Variants in PALM3 observed in about 807,000 individuals in gnomAD.
PALM3 encodes the protein paralemmin-3.
A neutral mutation model predicts 27.9 loss-of-function variants in PALM3; 20 were observed. The ratio of observed to expected loss-of-function variants is 0.72; its 90% CI spans 0.50 to 1.04. The LOEUF (loss-of-function observed/expected upper bound fraction) is 1.04. Among genes scored for constraint, PALM3 ranks in the 50% least tolerant of loss-of-function variants. PALM3 has a pLI of 0.00. For missense variants in PALM3, 814 were observed against 869.4 expected, an observed-to-expected ratio of 0.94 and a Z score of 0.80; for synonymous variants, 328 against 352.7, an observed-to-expected ratio of 0.93 and a Z score of 0.79.
rs976503794 is a variant in PALM3 at position 14,053,688 on chromosome 19, G to A, written c.1984C>T (p.Gln662Ter). Residue 662 changes from glutamine to a stop codon, truncating the protein, a stop_gained, in exon 7 of 7, where the codon CAG becomes TAG. Coordinates refer to ENST00000669674, the MANE Select transcript of PALM3 (RefSeq NM_001145028.2). LOFTEE classifies it high-confidence loss of function. ...HPVPTYAPAR[Q>*]PEPSAPTEGE... The stretch of plus-strand genomic sequence containing the variant: ...TCGGTGGGGGCAGATGGCTCAGGCT[G>A]CCGGGCAGGCGCGTAGGTGGGCACA... 3 of 1,487,594 alleles carry A rather than the reference G, an allele frequency of 2.0e-6. No homozygotes were observed. Among genetic ancestry groups the A allele is most frequent in the South Asian group, 2.8e-5 (2 of 72,286 alleles). The allele number at this position is 1,487,594 out of a possible 1,614,324, so 92.1% of individuals were successfully genotyped here. A position where few individuals can be genotyped will look rare whatever the true frequency, so the allele number is the denominator to read the frequency against.
chr19:14,062,011 G>A lies in PALM3; in HGVS notation c.-31C>T, dbSNP rs1599311721. 4.1e-6 allele frequency: 4 copies of A among 985,018 alleles called. No homozygotes were observed. Among genetic ancestry groups the A allele is most frequent in the Non-Finnish European group, 3.6e-6 (3 of 829,752 alleles). The allele number at this position is 985,018 out of a possible 1,614,324, so 61.0% of individuals were successfully genotyped here. On this transcript the variant is annotated 5_prime_UTR_variant, in exon 1 of 7. Transcript: ENST00000669674. ...CCCAGAAGTTCACTTTCTGGTCTCC[G>A]AGTTCTGGACCCACCACCCGCTTGC...
intron 2 of PALM3, among the ~76,000 whole-genome samples, chr19:14,058,242 G>T (rs922155179): frequency 6.8e-6 from 1 of 146,850 alleles, no homozygotes; most frequent in African/African-American, 2.5e-5. Context: ...GGTGCAGAGA[G>T]ATGGGGTACA....
rs998454546 is a variant in PALM3 at position 14,054,251 on chromosome 19, T to C, written c.1421A>G (p.Lys474Arg). 1.3e-6 allele frequency: 2 copies of C among 1,552,052 alleles called. No homozygotes were observed. The highest frequency in any genetic ancestry group is 1.7e-6 in the Non-Finnish European group (2 of 1,147,068). The change falls in exon 7 of 7, where the codon AAA (lysine) becomes AGA (arginine). Residue 474 changes from lysine to arginine, a missense_variant. By Grantham distance (26) the Lys-to-Arg change is conservative. Transcript: ENST00000669674. The stretch of plus-strand genomic sequence containing the variant: ...CTCTGCCCTCAAATGTCCCTCAACT[T>C]TTCTCTCTATGCCCAGTGGTTCCTC... ...GGEEPLGIER[K>R]VEGHLRAEKE...
chr19:14,054,010 A>T lies in PALM3; in HGVS notation c.1662T>A (p.Asn554Lys). The change falls in exon 7 of 7, where the codon AAT (asparagine) becomes AAA (lysine). Residue 554 changes from asparagine (N) to lysine (K), a missense_variant. Physicochemically the swap from Asn to Lys is moderately conservative, Grantham distance 94. Transcript: ENST00000669674. Reference sequence around the variant, plus strand: ...TTCCTTCCCTAGACCCTTGTTCTAGATTCAGATCTCCCTCCGTCCCTTGGG... The same window carrying T: ...TTCCTTCCCTAGACCCTTGTTCTAGTTTCAGATCTCCCTCCGTCCCTTGGG... ...EKTQGTEGDLNLEQGSREGSE... is the reference protein window; with the variant it reads ...EKTQGTEGDLKLEQGSREGSE... The T allele has an allele frequency of 6.4e-7, 1 of 1,551,620 alleles. No individual in the cohort carries two copies. The highest frequency in any genetic ancestry group is 8.7e-7 in the Non-Finnish European group (1 of 1,146,944).
Position 14,054,370 on chromosome 19 carries a change from C to A in PALM3, c.1302G>T (p.Met434Ile). 1 of 1,552,202 alleles carries A rather than the reference C, an allele frequency of 6.4e-7. No individual in the cohort carries two copies. Among genetic ancestry groups the A allele is most frequent in the Non-Finnish European group, 8.7e-7 (1 of 1,147,114 alleles). The stretch of plus-strand genomic sequence containing the variant: ...CTCCTTTCCTCTCTACCACTGGTGA[C>A]ATCTCCGCTTCATCCCTCCCTGTCC... The part of the protein sequence containing the change: ...KPGTGRDEAE[M>I]SPVVERKGGE... The change falls in exon 7 of 7, where the codon ATG becomes ATT. Residue 434 changes from methionine to isoleucine, a missense_variant. Coordinates refer to ENST00000669674, the MANE Select transcript of PALM3 (RefSeq NM_001145028.2).
chr19:14,055,061 C>T lies in PALM3; in HGVS notation c.611G>A (p.Ser204Asn). ...CCCCTGCTCTGGAGTGGGGATGGGG[C>T]TGGGGCATGGGCCATTGGCTTCTGA... ...DSSEANGPCP[S>N]PIPTPEQGLS... Residue 204 changes from serine to asparagine, a missense_variant, in exon 7 of 7, where the codon AGC (serine) becomes AAC (asparagine). Physicochemically the swap from Ser to Asn is conservative, Grantham distance 46 (BLOSUM62 1). Transcript: ENST00000669674. 1.3e-6 allele frequency: 2 copies of T among 1,551,494 alleles called. No individual in the cohort carries two copies. Among genetic ancestry groups the T allele is most frequent in the Non-Finnish European group, 1.7e-6 (2 of 1,146,914 alleles).
At chr19:14,059,204 G>T in intron 1 of PALM3, 41 bp from the exon 2 acceptor site, 1 of 1,435,682 alleles carries the variant, frequency 7.0e-7, no homozygotes, top group Non-Finnish European at 9.1e-7. Flanking sequence ...CTCCCATCTT[G>T]AACGCCCCCC....
rs150891381 is a variant in PALM3, at chr19:14,056,059, C to A, written c.399+370G>T. 9.1e-3 allele frequency among the ~76,000 whole-genome samples: 1,381 copies of A among 152,328 alleles called. 11 individuals carry two copies. The highest frequency in any genetic ancestry group is 0.041 in the South Asian group (197 of 4,828). ...CAGTAGCTGGGACTACAGGGACACACCACCATACCGAGCTAATTTTTGTGT... is the reference window on the plus strand; with the variant it reads ...CAGTAGCTGGGACTACAGGGACACAACACCATACCGAGCTAATTTTTGTGT... On this transcript the variant is annotated intron_variant, in intron 5 of 6. Transcript: ENST00000669674.
intron 1 of PALM3, among the ~76,000 whole-genome samples, chr19:14,060,435 A>T (rs1315376611): frequency 6.6e-6 from 1 of 152,048 alleles, no homozygotes; most frequent in Non-Finnish European, 1.5e-5. Context: ...CTGAGTTGAC[A>T]TTCCAGCTAA....
rs1819971830 is a variant in PALM3 at position 14,054,716 on chromosome 19, G to A, written c.956C>T (p.Pro319Leu). ...TGCCTCTAATCTCTCCTGGAGCCTA[G>A]GCGAGCTAGTCTGCACGACCTCAGG... is the stretch of plus-strand genomic sequence containing the variant. ...RVPEVVQTSS[P>L]RLQERLEAAA... Residue 319 changes from proline to leucine, a missense_variant, in exon 7 of 7, where the codon CCT (proline) becomes CTT (leucine). Pro to Leu is a moderately conservative substitution (Grantham distance 98). Coordinates refer to ENST00000669674, the MANE Select transcript of PALM3 (RefSeq NM_001145028.2). The A allele has an allele frequency of 1.9e-6, 3 of 1,551,520 alleles. No individual in the cohort carries two copies. The highest frequency in any genetic ancestry group is 1.7e-6 in the Non-Finnish European group (2 of 1,147,020).
intron 1 of PALM3, among the ~76,000 whole-genome samples, chr19:14,061,184 C>A (rs1012817934): frequency 7.2e-5 from 11 of 152,202 alleles, no homozygotes; most frequent in African/African-American, 2.7e-4. Flanking sequence ...ATCTCCCTGC[C>A]TCTTCCTTGC....
At chr19:14,056,626 G>C (rs1274991806) in intron 4 of PALM3, 36 bp downstream of exon 4, 1 of 1,551,746 alleles carries the variant, frequency 6.4e-7, no homozygotes, top group Middle Eastern at 1.7e-4. Context: ...CCCAGCTGGG[G>C]CAGGGTTCGG....
In PALM3 at chr19:14,061,442, G is replaced by T. The variant is rs185099619; in HGVS notation, c.41+498C>A. ...TGCTTATCTCTAACTAACTCTGGAA[G>T]AACAACGTAGGCGGCCTGGGCTTCT... On this transcript the variant is annotated intron_variant, in intron 1 of 6. Coordinates refer to ENST00000669674, the MANE Select transcript of PALM3 (RefSeq NM_001145028.2). Among the ~76,000 whole-genome samples, 110 of 152,320 alleles carry T rather than the reference G, an allele frequency of 7.2e-4. 1 individual carries two copies. The highest frequency in any genetic ancestry group is 2.5e-3 in the African/African-American group (106 of 41,570).
chr19:14,055,527 GCT>G (rs1976289812), intron 5 of PALM3, 102 bp from the exon 6 acceptor site: 1 of 1,128,124 alleles, frequency 8.9e-7, no homozygotes, highest in South Asian at 1.4e-5. Flanking sequence ...ACCCTCAGTG[GCT>G]CTCTATTACC....
At chr19:14,055,910 C>T (rs1202446547) in intron 5 of PALM3, among the ~76,000 whole-genome samples, 2 of 151,622 alleles carry the variant, frequency 1.3e-5, no homozygotes, top group African/African-American at 4.8e-5. Context: ...GCCAGCATGC[C>T]CAGCTAATTT....
chr19:14,059,209 C>A (rs1006939883), intron 1 of PALM3, 46 bp from the exon 2 acceptor site: 1 of 1,430,790 alleles, frequency 7.0e-7, no homozygotes, highest in Non-Finnish European at 9.2e-7. Flanking sequence ...ATCTTGAACG[C>A]CCCCCTCTTG....
At chr19:14,061,827 G>C in intron 1 of PALM3, 113 bp downstream of exon 1, 1 of 647,296 alleles carries the variant, frequency 1.5e-6, no homozygotes, top group Non-Finnish European at 1.9e-6. Flanking sequence ...CCACTCCCCG[G>C]GTCCCCTTAG....
chr19:14,055,642 C>A (rs550510286), intron 5 of PALM3, among the ~76,000 whole-genome samples: 3 of 152,202 alleles, frequency 2.0e-5, no homozygotes, highest in Non-Finnish European at 4.4e-5. Context: ...ATACTGCATT[C>A]CCATAGCCAA....
Position 14,055,549 on chromosome 19 carries a change from A to C in PALM3, c.400-124T>G. 4.4e-6 allele frequency: 4 copies of C among 906,970 alleles called. No homozygotes were observed. In the South Asian group the frequency reaches 6.3e-5, roughly 14 times the overall value. 56.2% of individuals were successfully genotyped at this position (906,970 alleles called of 1,614,324 possible). The stretch of plus-strand genomic sequence containing the variant: ...GTGGCTCTCTATTACCTTCAGGATC[A>C]AACTCCACATTGTACCTCTGCCTTC... On this transcript the variant is annotated intron_variant, in intron 5 of 6. Coordinates refer to ENST00000669674, the MANE Select transcript of PALM3 (RefSeq NM_001145028.2).
Sources: allele counts gnomAD v4.1 joint callset (sites outside exome capture counted in the v4.1 genomes callset), GRCh38; gene constraint gnomAD v4.1.1; transcripts MANE v1.5; gene names NCBI Gene and HGNC (gene_info 2026-07-23, HGNC 2026-07-21).